Variants in PDE10A observed in about 807,000 individuals in gnomAD.
The protein encoded by PDE10A is cAMP and cAMP-inhibited cGMP 3',5'-cyclic phosphodiesterase 10A.
PDE10A carries 39 observed loss-of-function variants against 97.7 expected under a neutral mutation model. That is an observed-to-expected ratio of 0.40 (90% CI 0.31 to 0.52). PDE10A has a LOEUF of 0.52. Among genes scored for constraint, PDE10A ranks in the 20% least tolerant of loss-of-function variants. PDE10A has a pLI of 0.56. For missense variants in PDE10A, 731 were observed against 1,047.8 expected, an observed-to-expected ratio of 0.70 and a Z score of 4.17; for synonymous variants, 371 against 376.8, an observed-to-expected ratio of 0.98 and a Z score of 0.18.
chr6:165,944,255 G>A (rs1336449056), intron 1 of PDE10A, among the ~76,000 whole-genome samples: 1 of 152,130 alleles, frequency 6.6e-6, no homozygotes, highest in Non-Finnish European at 1.5e-5. Context: ...AGGACACATG[G>A]GGATTATTCA....
At chr6:165,802,690 T>G (rs181371693) in intron 1 of PDE10A, among the ~76,000 whole-genome samples, 1 of 152,336 alleles carries the variant, frequency 6.6e-6, no homozygotes, top group Admixed American at 6.5e-5. Context: ...GTTCCACACA[T>G]ATGGGGTCTG....
rs1050436215 is a variant in PDE10A, at chr6:165,746,673, G to A, written c.-614-203105C>T. 1.1e-4 allele frequency among the ~76,000 whole-genome samples: 16 copies of A among 152,340 alleles called. No individual in the cohort carries two copies. In the East Asian group the frequency reaches 2.9e-3, roughly 28 times the overall value. On this transcript the variant is annotated intron_variant, in intron 1 of 19. Coordinates refer to the PDE10A transcript ENST00000366882. Reference sequence around the variant, plus strand: ...GGCAAGAAGAGCAGAGGGCCTCAGAGTAGCCATGGATGCCAAGGGCAGGCA... The same window carrying A: ...GGCAAGAAGAGCAGAGGGCCTCAGAATAGCCATGGATGCCAAGGGCAGGCA...
intron 3 of PDE10A, among the ~76,000 whole-genome samples, chr6:165,457,641 T>A (rs1056943601): frequency 6.6e-6 from 1 of 152,170 alleles, no homozygotes; most frequent in Non-Finnish European, 1.5e-5. Context: ...TTTTAATATA[T>A]CCTGAGTTAC....
chr6:165,855,838 C>T (rs749021765), intron 1 of PDE10A, among the ~76,000 whole-genome samples: 1 of 152,078 alleles, frequency 6.6e-6, no homozygotes, highest in African/African-American at 2.4e-5. Flanking sequence ...TGGGCACAGC[C>T]ACTTTGTGCA....
At chr6:165,706,747 C>A (rs1197453193) in intron 1 of PDE10A, among the ~76,000 whole-genome samples, 1 of 152,104 alleles carries the variant, frequency 6.6e-6, no homozygotes, top group Non-Finnish European at 1.5e-5. Context: ...ATACTAAATT[C>A]TATTTTAATT....
At chr6:165,631,528 C>A (rs796862322) in intron 1 of PDE10A, among the ~76,000 whole-genome samples, 3 of 152,192 alleles carry the variant, frequency 2.0e-5, no homozygotes, top group African/African-American at 7.2e-5. Flanking sequence ...GTGATTTCCT[C>A]CAAAAATGAA....
chr6:165,759,085 G>A (rs1166123609), intron 1 of PDE10A, among the ~76,000 whole-genome samples: 2 of 152,158 alleles, frequency 1.3e-5, no homozygotes, highest in South Asian at 2.1e-4. Flanking sequence ...GTCCTGCTCC[G>A]TGCCCATAGC....
intron 18 of PDE10A, among the ~76,000 whole-genome samples, chr6:165,377,843 G>A (rs894154762): frequency 1.3e-5 from 2 of 152,198 alleles, no homozygotes; most frequent in African/African-American, 4.8e-5. Flanking sequence ...TGGGCTGAAG[G>A]AAAAGAAAGA....
At chr6:165,645,225 G>T (rs572209292) in intron 1 of PDE10A, among the ~76,000 whole-genome samples, 79 of 152,306 alleles carry the variant, frequency 5.2e-4, no homozygotes, top group African/African-American at 1.9e-3. Flanking sequence ...CACAGCGAGG[G>T]TGCGGCTGCC....
chr6:165,525,754 G>A (rs540443972), intron 2 of PDE10A, among the ~76,000 whole-genome samples: 3 of 152,268 alleles, frequency 2.0e-5, no homozygotes, highest in Admixed American at 2.0e-4. Context: ...ACGGTCAAAG[G>A]CAAAGTGGGT....
At chr6:165,452,516 G>A (rs780808662) in intron 3 of PDE10A, among the ~76,000 whole-genome samples, 1 of 152,132 alleles carries the variant, frequency 6.6e-6, no homozygotes, top group Non-Finnish European at 1.5e-5. Context: ...CCTGATAAAA[G>A]ATATCTTTGG....
chr6:165,576,294 A>G (rs922076748), intron 1 of PDE10A: 3 of 695,844 alleles, frequency 4.3e-6, no homozygotes, highest in Non-Finnish European at 7.9e-6. Flanking sequence ...AGTTCTCATC[A>G]ATTGATAATT....
Position 165,418,454 on chromosome 6 carries a change from T to C in PDE10A, c.1796+181A>G, listed in dbSNP as rs1055073344. Among the ~76,000 whole-genome samples the C allele has an allele frequency of 6.6e-6, 1 of 152,140 alleles. No homozygotes were observed. The highest frequency in any genetic ancestry group is 1.5e-5 in the Non-Finnish European group (1 of 68,022). Reference sequence around the variant, plus strand: ...GCTAAGGCTTCCTAGGCGCGGTTTCTCGGGCACTGCCTGCAATGTCATTCC... The same window carrying C: ...GCTAAGGCTTCCTAGGCGCGGTTTCCCGGGCACTGCCTGCAATGTCATTCC... On this transcript the variant is annotated intron_variant, in intron 11 of 21. Transcript: ENST00000539869. This position sits in a 1 kb window ranked among gnomAD's most constrained non-coding sequence, Gnocchi z 4.8.
At chr6:165,343,957 G>A (rs1027592703) in intron 18 of PDE10A, among the ~76,000 whole-genome samples, 1 of 152,168 alleles carries the variant, frequency 6.6e-6, no homozygotes, top group Admixed American at 6.5e-5. Context: ...TTTTCTAAAG[G>A]GACAGGAATT....
intron 1 of PDE10A, among the ~76,000 whole-genome samples, chr6:165,710,981 C>T (rs1003676956): frequency 5.3e-5 from 8 of 152,254 alleles, no homozygotes; most frequent in Non-Finnish European, 7.3e-5. Context: ...AGACCATCCC[C>T]GTGGGAGGCG....
chr6:165,579,895 T>C (rs946727526), intron 1 of PDE10A, among the ~76,000 whole-genome samples: 3 of 152,114 alleles, frequency 2.0e-5, no homozygotes, highest in Admixed American at 6.5e-5. Flanking sequence ...CTGCGAGCTA[T>C]TGTTCAAAAT....
At chr6:165,410,875 T>G (rs989761900) in intron 13 of PDE10A, among the ~76,000 whole-genome samples, 1 of 141,146 alleles carries the variant, frequency 7.1e-6, no homozygotes, top group Non-Finnish European at 1.5e-5. Flanking sequence ...GATCACGAGG[T>G]CAGGAGATCG....
intron 1 of PDE10A, among the ~76,000 whole-genome samples, chr6:165,981,115 A>G (rs1039440836): frequency 3.9e-5 from 6 of 152,186 alleles, no homozygotes; most frequent in African/African-American, 1.4e-4. Flanking sequence ...AAACAGACAT[A>G]TAAATGTAGG....
chr6:165,372,468 C>T (rs961817822), intron 18 of PDE10A, among the ~76,000 whole-genome samples: 1 of 119,688 alleles, frequency 8.4e-6, no homozygotes, highest in Non-Finnish European at 1.7e-5. Context: ...TGAGTGAACT[C>T]CCATTCACAG....
Sources: gnomAD v4.1 joint callset for allele counts (sites outside exome capture counted in the v4.1 genomes callset) on GRCh38, gnomAD v4.1.1 for gene constraint, Gnocchi (gnomAD v3.1) non-coding constraint, MANE v1.5 for transcripts, NCBI Gene and HGNC (gene_info 2026-07-23, HGNC 2026-07-21) for gene names.